Variants in PDE6A observed in about 807,000 individuals in gnomAD.
The protein encoded by PDE6A is rod cGMP-specific 3',5'-cyclic phosphodiesterase subunit alpha.
A neutral mutation model predicts 106.3 loss-of-function variants in PDE6A; 84 were observed. That is an observed-to-expected ratio of 0.79 (90% CI 0.66 to 0.95). PDE6A has a LOEUF of 0.95. Among genes scored for constraint, PDE6A ranks in the 40% least tolerant of loss-of-function variants. The pLI is 0.00. For synonymous variants in PDE6A, 394 were observed against 386.6 expected, an observed-to-expected ratio of 1.02 and a Z score of -0.23; for missense variants, 1,052 against 1,084.9, an observed-to-expected ratio of 0.97 and a Z score of 0.43.
At position 149,883,500 on chromosome 5, in the gene PDE6A, A is replaced by C. The variant is rs952946602; in HGVS notation, c.2064T>G (p.Ser688=). ...ACTCCTGTTCACTCTCATATGTCTTAGACTGATCCACGATCTTTTGGAACA... is the reference window on the plus strand; with the variant it reads ...ACTCCTGTTCACTCTCATATGTCTTCGACTGATCCACGATCTTTTGGAACA... ...RTMFQKIVDQ[S]KTYESEQEWT... is the part of the protein sequence containing the mutation. The change falls in exon 17 of 22, where the codon TCT becomes TCG. Residue 688 remains serine (S), a synonymous_variant. Transcript: ENST00000255266. The C allele has an allele frequency of 3.7e-6, 6 of 1,613,558 alleles. No homozygotes were observed. In the African/African-American group the frequency reaches 5.3e-5, roughly 14 times the overall value.
At chr5:149,911,934 G>A (rs1490541062) in intron 6 of PDE6A, among the ~76,000 whole-genome samples, 4 of 151,558 alleles carry the variant, frequency 2.6e-5, no homozygotes, top group South Asian at 2.1e-4. Context: ...TGAGAGGATC[G>A]CTTGAACCCA....
intron 5 of PDE6A, among the ~76,000 whole-genome samples, chr5:149,921,426 G>A (rs776223360): frequency 3.4e-5 from 5 of 148,396 alleles, no homozygotes; most frequent in Non-Finnish European, 7.5e-5. Flanking sequence ...TATTGTTGCT[G>A]TTTTTTTTTT....
intron 5 of PDE6A, 78 bp downstream of exon 5, chr5:149,921,557 A>C: frequency 2.5e-6 from 3 of 1,178,440 alleles, no homozygotes; most frequent in South Asian, 2.5e-5. Flanking sequence ...TATGCTAATA[A>C]AAAATCCTTT....
At chr5:149,932,603 C>G in intron 3 of PDE6A, 2 of 1,609,410 alleles carry the variant, frequency 1.2e-6, no homozygotes, top group Non-Finnish European at 1.7e-6. Context: ...TTTCTGGGAC[C>G]CTCATTCGCT....
chr5:149,896,468 A>C lies in PDE6A; in HGVS notation c.1508T>G (p.Ile503Ser). Residue 503 changes from isoleucine to serine, a missense_variant, in exon 12 of 22, where the codon ATT (isoleucine) becomes AGT (serine). Ile to Ser is a moderately radical substitution (Grantham distance 142). This residue lies in a region of PDE6A where 913 missense variants were observed against 915.2 expected (regional missense o/e 1.00). Coordinates refer to ENST00000255266, the MANE Select transcript of PDE6A (RefSeq NM_000440.3). ...AELPDADKYE[I>S]NKFHFSDLPL... ...TAAGTCACTGAAGTGAAATTTATTAATTTCGTATTTATCTGCATCTGGCAG... is the reference window on the plus strand; with the variant it reads ...TAAGTCACTGAAGTGAAATTTATTACTTTCGTATTTATCTGCATCTGGCAG... 6.2e-7 allele frequency: 1 copy of C among 1,614,092 alleles called. No homozygotes were observed. The highest frequency in any genetic ancestry group is 8.5e-7 in the Non-Finnish European group (1 of 1,180,006).
chr5:149,912,162 A>G (rs1753408650), intron 6 of PDE6A, among the ~76,000 whole-genome samples: 2 of 152,060 alleles, frequency 1.3e-5, no homozygotes, highest in African/African-American at 2.4e-5. Flanking sequence ...GCTGGAGTAC[A>G]GTGGCTATTC....
At chr5:149,899,029 A>G (rs543403641) in intron 9 of PDE6A, among the ~76,000 whole-genome samples, 3 of 151,926 alleles carry the variant, frequency 2.0e-5, no homozygotes, top group Non-Finnish European at 2.9e-5. Context: ...ATGCCTGGCT[A>G]ATCTTTTTTT....
intron 5 of PDE6A, among the ~76,000 whole-genome samples, chr5:149,918,378 T>C (rs965576762): frequency 6.6e-6 from 1 of 152,192 alleles, no homozygotes; most frequent in Non-Finnish European, 1.5e-5. Context: ...AATAGAATCA[T>C]AGCGTTAGTG....
At chr5:149,913,717 A>G (rs531884486) in intron 6 of PDE6A, among the ~76,000 whole-genome samples, 3 of 152,204 alleles carry the variant, frequency 2.0e-5, no homozygotes, top group Non-Finnish European at 4.4e-5. Flanking sequence ...TCTGCAGTTA[A>G]GTTGAGAAAA....
At chr5:149,918,411 G>A (rs559127092) in intron 5 of PDE6A, among the ~76,000 whole-genome samples, 2 of 152,242 alleles carry the variant, frequency 1.3e-5, no homozygotes, top group African/African-American at 2.4e-5. Flanking sequence ...GGTGGAATAC[G>A]TATACTTCTC....
intron 17 of PDE6A, among the ~76,000 whole-genome samples, chr5:149,868,837 A>C (rs1219075504): frequency 2.0e-5 from 3 of 152,214 alleles, no homozygotes; most frequent in Admixed American, 6.5e-5. Context: ...GAGGCAATAT[A>C]CTCCATTTTT....
At chr5:149,915,242 C>G (rs983878032) in intron 5 of PDE6A, among the ~76,000 whole-genome samples, 1 of 151,560 alleles carries the variant, frequency 6.6e-6, no homozygotes, top group Non-Finnish European at 1.5e-5. Context: ...AACTCCTGAC[C>G]CCATGATCTG....
rs1030063636 is a variant in PDE6A, at chr5:149,859,935, C to T, written c.*960G>A. The T allele has an allele frequency of 6.6e-6, 1 of 152,182 alleles. No individual in the cohort carries two copies. The highest frequency in any genetic ancestry group is 6.5e-5 in the Admixed American group (1 of 15,286). The allele number at this position is 152,182 out of a possible 1,614,324, so 9.4% of individuals were successfully genotyped here. A position where few individuals can be genotyped will look rare whatever the true frequency, so the allele number is the denominator to read the frequency against. ...TTTGCTTTTGTTTGAGTCAGAGTCT[C>T]GCTCGGTCGCCCAAGCTGGAGTGCA... On this transcript the variant is annotated 3_prime_UTR_variant, in exon 22 of 22. Coordinates refer to ENST00000255266, the MANE Select transcript of PDE6A (RefSeq NM_000440.3).
intron 7 of PDE6A, among the ~76,000 whole-genome samples, chr5:149,907,028 C>A (rs993828734): frequency 2.0e-5 from 3 of 152,148 alleles, no homozygotes; most frequent in African/African-American, 7.2e-5. Context: ...TGCCTCGGCC[C>A]CCCAAAGTTC....
intron 9 of PDE6A, among the ~76,000 whole-genome samples, 159 bp from the exon 10 acceptor site, chr5:149,898,665 G>T (rs1752849302): frequency 6.6e-6 from 1 of 152,152 alleles, no homozygotes. Flanking sequence ...ATAAGGCTAA[G>T]ATAAAGGAAT....
chr5:149,883,601 A>T, intron 16 of PDE6A, 65 bp from the exon 17 acceptor site: 2 of 1,056,414 alleles, frequency 1.9e-6, no homozygotes, highest in Admixed American at 3.8e-5. Flanking sequence ...TGAGCTGCTA[A>T]CATTGGCTGA....
intron 7 of PDE6A, 98 bp downstream of exon 7, chr5:149,907,214 T>A (rs2113615946): frequency 1.1e-6 from 1 of 943,516 alleles, no homozygotes; most frequent in Non-Finnish European, 1.8e-6. Flanking sequence ...AGATCCACAC[T>A]TGCCATCATC....
At chr5:149,919,269 G>A (rs1753638413) in intron 5 of PDE6A, among the ~76,000 whole-genome samples, 1 of 152,168 alleles carries the variant, frequency 6.6e-6, no homozygotes, top group Non-Finnish European at 1.5e-5. Flanking sequence ...CACTTTGGGA[G>A]GCGGAGGTGG....
intron 17 of PDE6A, among the ~76,000 whole-genome samples, chr5:149,878,370 G>A (rs1317331131): frequency 2.0e-5 from 3 of 151,956 alleles, no homozygotes; most frequent in Non-Finnish European, 2.9e-5. Context: ...AAATCTGTAA[G>A]ATATTCCATT....
Sources: gnomAD v4.1 joint callset for allele counts (sites outside exome capture counted in the v4.1 genomes callset) on GRCh38, gnomAD v4.1.1 for gene constraint, gnomAD v4.1.1 regional missense constraint, MANE v1.5 for transcripts, NCBI Gene and HGNC (gene_info 2026-07-23, HGNC 2026-07-21) for gene names.